The following GRIK3 variants were observed in gnomAD, a reference collection of about 807,000 sequenced individuals.
The protein encoded by GRIK3 is glutamate receptor ionotropic, kainate 3.
GRIK3 carries 29 observed loss-of-function variants against 102.5 expected under a neutral mutation model. That is an observed-to-expected ratio of 0.28 (90% CI 0.21 to 0.39). The LOEUF is 0.39. Ranked by LOEUF, GRIK3 falls within the 10% of genes least tolerant of loss-of-function variation. The pLI is 1.00. For missense variants in GRIK3, 908 were observed against 1,252.4 expected, an observed-to-expected ratio of 0.73 and a Z score of 4.15; for synonymous variants, 511 against 504.9, an observed-to-expected ratio of 1.01 and a Z score of -0.16.
intron 1 of GRIK3, among the ~76,000 whole-genome samples, chr1:37,031,428 C>G (rs1435186115): frequency 6.6e-6 from 1 of 152,260 alleles, no homozygotes; most frequent in South Asian, 2.1e-4. Context: ...CTCTGTCACA[C>G]TGCTGAGCTA....
chr1:36,965,708 C>T (rs1171699056), intron 1 of GRIK3, among the ~76,000 whole-genome samples: 3 of 152,106 alleles, frequency 2.0e-5, no homozygotes, highest in Non-Finnish European at 4.4e-5. Context: ...AGATTGAGTC[C>T]CAACGGGAAT....
At chr1:36,863,704 A>G (rs1351844527) in intron 5 of GRIK3, among the ~76,000 whole-genome samples, 2 of 152,150 alleles carry the variant, frequency 1.3e-5, no homozygotes. Context: ...GCTCCTGTAC[A>G]CATGCACAAC....
At chr1:36,954,709 A>AT in intron 1 of GRIK3, among the ~76,000 whole-genome samples, 1 of 151,986 alleles carries the variant, frequency 6.6e-6, no homozygotes, top group East Asian at 1.9e-4. Context: ...ACAGGTCCAC[A>AT]CACACGCAGA....
intron 1 of GRIK3, among the ~76,000 whole-genome samples, chr1:36,939,036 G>C (rs1162953700): frequency 6.6e-6 from 1 of 152,178 alleles, no homozygotes; most frequent in Non-Finnish European, 1.5e-5. Flanking sequence ...GGCTCTGGCT[G>C]TCCCTAAGGC....
At chr1:36,983,843 CA>C (rs1642275810) in intron 1 of GRIK3, among the ~76,000 whole-genome samples, 1 of 152,146 alleles carries the variant, frequency 6.6e-6, no homozygotes, top group Non-Finnish European at 1.5e-5. Flanking sequence ...ATTCTTTCTA[CA>C]AATGCTTATT....
At chr1:36,885,089 T>A (rs749013317) in intron 2 of GRIK3, among the ~76,000 whole-genome samples, 39 of 152,262 alleles carry the variant, frequency 2.6e-4, no homozygotes, top group Non-Finnish European at 5.0e-4. Context: ...CTGCCAATGA[T>A]GATAATGGTG....
intron 5 of GRIK3, among the ~76,000 whole-genome samples, chr1:36,863,682 C>T (rs1441333310): frequency 6.6e-6 from 1 of 152,182 alleles, no homozygotes; most frequent in Admixed American, 6.5e-5. Flanking sequence ...TTCCAGGAAG[C>T]CCCTCCTGAT....
intron 2 of GRIK3, among the ~76,000 whole-genome samples, chr1:36,881,140 C>T (rs185756787): frequency 3.9e-5 from 6 of 152,224 alleles, no homozygotes; most frequent in East Asian, 3.9e-4. Context: ...TGCCAGGGTA[C>T]GTCCCTTTTC....
At chr1:37,001,923 C>T (rs1043015701) in intron 1 of GRIK3, among the ~76,000 whole-genome samples, 8 of 152,144 alleles carry the variant, frequency 5.3e-5, no homozygotes, top group Non-Finnish European at 8.8e-5. Context: ...GCCTCAGAGG[C>T]CTCACAACTA....
intron 1 of GRIK3, among the ~76,000 whole-genome samples, chr1:37,017,901 A>G (rs1425614574): frequency 2.0e-5 from 3 of 152,162 alleles, no homozygotes; most frequent in Non-Finnish European, 2.9e-5. Context: ...TGGATGGGTA[A>G]TGAGTCCTCT....
chr1:36,813,055 C>G (rs1642581027), intron 13 of GRIK3, among the ~76,000 whole-genome samples: 2 of 152,242 alleles, frequency 1.3e-5, no homozygotes, highest in Non-Finnish European at 2.9e-5. Context: ...TTTTCCCCAA[C>G]TGCCTCCTGA....
Position 36,847,852 on chromosome 1 carries a change from A to G in GRIK3, c.1326+2459T>C, listed in dbSNP as rs192654366. Among the ~76,000 whole-genome samples the G allele has an allele frequency of 9.0e-4, 137 of 152,286 alleles. 1 individual carries two copies. Among genetic ancestry groups the G allele is most frequent in the Middle Eastern group, 3.4e-3 (1 of 294 alleles). On this transcript the variant is annotated intron_variant, in intron 9 of 15. Transcript: ENST00000373091. The stretch of plus-strand genomic sequence containing the variant: ...TGTCCTGGTGGCACTGCATGTCCCA[A>G]AGAGCTCTGGGGTTGTATCTGCCCA...
intron 1 of GRIK3, among the ~76,000 whole-genome samples, chr1:36,971,479 C>T (rs184643096): frequency 5.1e-4 from 78 of 152,288 alleles, no homozygotes; most frequent in Non-Finnish European, 9.1e-4. Context: ...CTGCTAATTC[C>T]CTTTTTACTT....
At chr1:36,840,496 T>C (rs1018133025) in intron 10 of GRIK3, among the ~76,000 whole-genome samples, 1 of 141,600 alleles carries the variant, frequency 7.1e-6, no homozygotes, top group Non-Finnish European at 1.5e-5. Context: ...GAGGATTACT[T>C]GAATCCAGGA....
intron 1 of GRIK3, among the ~76,000 whole-genome samples, chr1:36,974,128 C>T (rs1011813999): frequency 6.6e-6 from 1 of 152,198 alleles, no homozygotes; most frequent in Non-Finnish European, 1.5e-5. Context: ...TATCCCTTCC[C>T]TGCCTCAGTT....
chr1:36,886,421 C>A (rs1048497631), intron 2 of GRIK3, among the ~76,000 whole-genome samples: 7 of 152,146 alleles, frequency 4.6e-5, no homozygotes, highest in Non-Finnish European at 8.8e-5. Flanking sequence ...CCTAAAGATG[C>A]CTCAGGAGAA....
At chr1:36,867,478 T>C (rs1483077324) in intron 5 of GRIK3, among the ~76,000 whole-genome samples, 1 of 152,036 alleles carries the variant, frequency 6.6e-6, no homozygotes. Context: ...AGGGTGAGGG[T>C]TGTGTCACCA....
At chr1:36,946,435 C>T (rs1200943604) in intron 1 of GRIK3, among the ~76,000 whole-genome samples, 1 of 152,232 alleles carries the variant, frequency 6.6e-6, no homozygotes, top group African/African-American at 2.4e-5. Context: ...AGGAAGGATG[C>T]TCCAAGGGGC....
intron 11 of GRIK3, 111 bp downstream of exon 11, chr1:36,825,492 G>C (rs1398053764): frequency 3.1e-6 from 2 of 639,472 alleles, no homozygotes; most frequent in African/African-American, 1.9e-5. Flanking sequence ...AGTGGGTACA[G>C]CAGTGGCCTG....
Sources: gnomAD v4.1 joint callset for allele counts (sites outside exome capture counted in the v4.1 genomes callset) on GRCh38, gnomAD v4.1.1 for gene constraint, MANE v1.5 for transcripts, NCBI Gene and HGNC (gene_info 2026-07-23, HGNC 2026-07-21) for gene names.